ARHGAP15: variants seen among roughly 807,000 people sequenced by gnomAD.
The protein encoded by ARHGAP15 is rho GTPase-activating protein 15.
In ARHGAP15, 51 loss-of-function variants were observed where a neutral mutation model predicts 63.7. The observed-to-expected ratio is 0.80, with a 90% confidence interval of 0.64 to 1.01. The LOEUF (loss-of-function observed/expected upper bound fraction) is 1.01. ARHGAP15 is among the 50% of genes least tolerant of loss of function. The pLI, the probability that ARHGAP15 is intolerant of heterozygous loss-of-function variation, is 0.00. For missense variants in ARHGAP15, 560 were observed against 564.6 expected, an observed-to-expected ratio of 0.99 and a Z score of 0.08; for synonymous variants, 191 against 193.8, an observed-to-expected ratio of 0.99 and a Z score of 0.12.
At position 143,136,712 on chromosome 2, in the gene ARHGAP15, T is replaced by C. The variant is rs1458494440; in HGVS notation, c.-15+7246T>C. 3.3e-5 allele frequency among the ~76,000 whole-genome samples: 5 copies of C among 152,152 alleles called. 1 individual carries two copies. In the East Asian group the frequency reaches 9.6e-4, roughly 29 times the overall value. On this transcript the variant is annotated intron_variant, in intron 1 of 13. Transcript: ENST00000295095. ...AAGAGAAAATGTAATAAATAAAAAC[T>C]CCTTTTATATTACATTTTGTTTACA... is the stretch of plus-strand genomic sequence containing the variant.
intron 6 of ARHGAP15, among the ~76,000 whole-genome samples, chr2:143,265,241 G>C (rs1209963119): frequency 1.4e-5 from 2 of 148,116 alleles, no homozygotes; most frequent in Non-Finnish European, 3.0e-5. Context: ...TTTTTTAATA[G>C]AACGACCCAA....
At chr2:143,638,801 A>C (rs185313834) in intron 12 of ARHGAP15, among the ~76,000 whole-genome samples, 1,702 of 152,060 alleles carry the variant, frequency 0.011, 13 homozygotes, top group Non-Finnish European at 0.017. Context: ...AAACTATTAG[A>C]CTAGTGGGAA....
chr2:143,727,244 C>T (rs1685321423), intron 13 of ARHGAP15, among the ~76,000 whole-genome samples: 1 of 152,204 alleles, frequency 6.6e-6, no homozygotes, highest in Non-Finnish European at 1.5e-5. Flanking sequence ...GAAAACATTT[C>T]TGCCATTGGA....
chr2:143,149,762 CA>C (rs1380461595), intron 1 of ARHGAP15, among the ~76,000 whole-genome samples: 1 of 151,884 alleles, frequency 6.6e-6, no homozygotes, highest in Non-Finnish European at 1.5e-5. Flanking sequence ...GAAAATTGGT[CA>C]AAGACATTTT....
At chr2:143,569,140 T>G (rs1696353280) in intron 11 of ARHGAP15, among the ~76,000 whole-genome samples, 1 of 151,770 alleles carries the variant, frequency 6.6e-6, no homozygotes, top group Non-Finnish European at 1.5e-5. Flanking sequence ...TGTGCACATG[T>G]ACCCTAGAAC....
intron 6 of ARHGAP15, among the ~76,000 whole-genome samples, chr2:143,417,794 A>G (rs1004230755): frequency 2.0e-5 from 3 of 152,256 alleles, no homozygotes; most frequent in African/African-American, 7.2e-5. Context: ...AAGATGTAAA[A>G]GAAATTTAAG....
chr2:143,218,566 T>A (rs1692863318), intron 4 of ARHGAP15, among the ~76,000 whole-genome samples: 1 of 152,156 alleles, frequency 6.6e-6, no homozygotes, highest in Admixed American at 6.6e-5. Context: ...TGTGAATGTG[T>A]TCTATATAGC....
At chr2:143,134,051 G>A (rs1689017309) in intron 1 of ARHGAP15, among the ~76,000 whole-genome samples, 1 of 152,070 alleles carries the variant, frequency 6.6e-6, no homozygotes, top group South Asian at 2.1e-4. Context: ...AGTGATGGAT[G>A]TTTTCAAGTT....
At chr2:143,192,698 A>G (rs1178433015) in intron 2 of ARHGAP15, among the ~76,000 whole-genome samples, 2 of 152,174 alleles carry the variant, frequency 1.3e-5, no homozygotes, top group Admixed American at 1.3e-4. Context: ...AGTCAGGGTT[A>G]TTTCTGAGGT....
In ARHGAP15 at chr2:143,250,525, A is replaced by G. The variant is rs1403240818; in HGVS notation, c.399A>G (p.Lys133=). Residue 133 remains lysine (K), a synonymous_variant, in exon 6 of 14, where the codon AAA becomes AAG. Coordinates refer to ENST00000295095, the MANE Select transcript of ARHGAP15 (RefSeq NM_018460.4). The part of the protein sequence containing the change: ...QALSNMKTGH[K]PESVDLCGAH... ...TGTGATTACAGAAAACTGGGCACAAACCAGAAAGTGTGGATTTGTGTGGAG... is the reference window on the plus strand; with the variant it reads ...TGTGATTACAGAAAACTGGGCACAAGCCAGAAAGTGTGGATTTGTGTGGAG... 2.5e-6 allele frequency: 4 copies of G among 1,613,344 alleles called. No individual in the cohort carries two copies. Among genetic ancestry groups the G allele is most frequent in the Admixed American group, 1.7e-5 (1 of 59,986 alleles).
chr2:143,285,947 A>G (rs1224171496), intron 6 of ARHGAP15, among the ~76,000 whole-genome samples: 1 of 152,216 alleles, frequency 6.6e-6, no homozygotes, highest in Non-Finnish European at 1.5e-5. Flanking sequence ...AATATTTTTA[A>G]ATGTTGACTT....
intron 6 of ARHGAP15, among the ~76,000 whole-genome samples, chr2:143,297,373 G>A (rs546863215): frequency 4.1e-4 from 62 of 151,968 alleles, no homozygotes; most frequent in Non-Finnish European, 7.5e-4. Context: ...GTGTGAACAT[G>A]GTTGACTCTG....
At chr2:143,140,991 A>G (rs1444013816) in intron 1 of ARHGAP15, among the ~76,000 whole-genome samples, 1 of 152,176 alleles carries the variant, frequency 6.6e-6, no homozygotes, top group East Asian at 1.9e-4. Context: ...GTGGGAAACC[A>G]GCTTGACAAA....
intron 12 of ARHGAP15, among the ~76,000 whole-genome samples, chr2:143,690,247 C>T (rs953575680): frequency 1.3e-5 from 2 of 152,070 alleles, no homozygotes; most frequent in Non-Finnish European, 2.9e-5. Flanking sequence ...ACTCTCAGTC[C>T]CTGTTTAAAT....
chr2:143,204,234 A>C (rs1396524164), intron 3 of ARHGAP15, among the ~76,000 whole-genome samples: 1 of 152,136 alleles, frequency 6.6e-6, no homozygotes, highest in Non-Finnish European at 1.5e-5. Flanking sequence ...TTTCAACACA[A>C]CAGTGGGAGT....
chr2:143,395,356 T>C (rs1351144500), intron 6 of ARHGAP15, among the ~76,000 whole-genome samples: 2 of 152,124 alleles, frequency 1.3e-5, no homozygotes, highest in African/African-American at 4.8e-5. Context: ...ATTTCTGACC[T>C]AGAACTAAGA....
At chr2:143,406,659 A>T (rs1340627783) in intron 6 of ARHGAP15, among the ~76,000 whole-genome samples, 1 of 151,744 alleles carries the variant, frequency 6.6e-6, no homozygotes, top group African/African-American at 2.4e-5. Flanking sequence ...GCATTATTTT[A>T]TTTTCTCACA....
chr2:143,532,572 T>G (rs1694567405), intron 10 of ARHGAP15, among the ~76,000 whole-genome samples: 2 of 152,182 alleles, frequency 1.3e-5, no homozygotes, highest in South Asian at 4.1e-4. Flanking sequence ...GGATAGCAAG[T>G]GACTTAATGC....
intron 6 of ARHGAP15, among the ~76,000 whole-genome samples, chr2:143,427,434 T>C (rs1291834783): frequency 1.3e-5 from 2 of 152,090 alleles, no homozygotes; most frequent in African/African-American, 2.4e-5. Flanking sequence ...CATCACTGAG[T>C]TTCTCTAAAG....
Sources: gnomAD v4.1 joint callset for allele counts (sites outside exome capture counted in the v4.1 genomes callset) on GRCh38, gnomAD v4.1.1 for gene constraint, MANE v1.5 for transcripts, NCBI Gene and HGNC (gene_info 2026-07-23, HGNC 2026-07-21) for gene names.